KIF21A: variants seen among roughly 807,000 people sequenced by gnomAD.
The protein encoded by KIF21A is kinesin-like protein KIF21A.
Under a neutral mutation model 202.9 loss-of-function variants are expected in KIF21A, and 114 were observed. The ratio of observed to expected loss-of-function variants is 0.56; its 90% CI spans 0.48 to 0.66. KIF21A has a LOEUF of 0.66. Among genes scored for constraint, KIF21A ranks in the 30% least tolerant of loss-of-function variants. The pLI is 0.00. For synonymous variants in KIF21A, 667 were observed against 670.8 expected, an observed-to-expected ratio of 0.99 and a Z score of 0.09; for missense variants, 1,677 against 1,994.9, an observed-to-expected ratio of 0.84 and a Z score of 3.04.
intron 35 of KIF21A, among the ~76,000 whole-genome samples, chr12:39,304,573 T>G (rs1943272807): frequency 6.6e-6 from 1 of 152,218 alleles, no homozygotes; most frequent in Non-Finnish European, 1.5e-5. Flanking sequence ...GACTCATGTA[T>G]GAGTTGGAAG....
chr12:39,395,377 C>G (rs1302314611), intron 1 of KIF21A, among the ~76,000 whole-genome samples: 1 of 152,082 alleles, frequency 6.6e-6, no homozygotes, highest in South Asian at 2.1e-4. Context: ...TCATCCCACC[C>G]ACCCGCTTCT....
intron 1 of KIF21A, among the ~76,000 whole-genome samples, chr12:39,404,470 T>C (rs1204968368): frequency 2.0e-5 from 3 of 152,246 alleles, no homozygotes; most frequent in Admixed American, 2.0e-4. Flanking sequence ...GGGGTATTCA[T>C]TTCACTACTG....
chr12:39,331,788 C>T lies in KIF21A; in HGVS notation c.3055G>A (p.Glu1019Lys), dbSNP rs1192194635. 1 of 1,608,256 alleles carries T rather than the reference C, an allele frequency of 6.2e-7. No homozygotes were observed. Among genetic ancestry groups the T allele is most frequent in the Admixed American group, 1.7e-5 (1 of 60,014 alleles). Residue 1019 changes from glutamate to lysine, a missense_variant, in exon 22 of 38, where the codon GAA becomes AAA. Glu to Lys is a moderately conservative substitution (Grantham distance 56). This residue lies in a region of KIF21A where 705 missense variants were observed against 791.9 expected (regional missense o/e 0.89). Coordinates refer to ENST00000361418, the MANE Select transcript of KIF21A (RefSeq NM_001173464.2). ...GCAGTAACATCCAATGTCTCACCTT[C>T]TTCCTGTATAAAATCAGCATAATAT... ...NIMQMEEAKEEGETLDVTAVI... is the reference protein window; with the variant it reads ...NIMQMEEAKEKGETLDVTAVI...
At position 39,303,076 on chromosome 12, in the gene KIF21A, G is replaced by C. The variant is rs1465706498; in HGVS notation, c.4620C>G (p.Pro1540=). 1 of 1,613,800 alleles carries C rather than the reference G, an allele frequency of 6.2e-7. No homozygotes were observed. Among genetic ancestry groups the C allele is most frequent in the Non-Finnish European group, 8.5e-7 (1 of 1,179,900 alleles). ...GTGCTTCTATGCCATCATAATGAGG[G>C]GGTTCAAAATTGTGGGTGGGACTCA... ...GTVSPTHNFE[P]PHYDGIEALT... Residue 1540 remains proline (P), a synonymous_variant, in exon 36 of 38, where the codon CCC becomes CCG. Coordinates refer to ENST00000361418, the MANE Select transcript of KIF21A (RefSeq NM_001173464.2).
chr12:39,303,797 T>C (rs533292409), intron 35 of KIF21A, among the ~76,000 whole-genome samples: 3 of 152,318 alleles, frequency 2.0e-5, no homozygotes, highest in Non-Finnish European at 2.9e-5. Context: ...CTGTTCAAAA[T>C]CGTTTCACTT....
At chr12:39,422,476 G>A (rs1232575249) in intron 1 of KIF21A, among the ~76,000 whole-genome samples, 1 of 152,126 alleles carries the variant, frequency 6.6e-6, no homozygotes, top group Non-Finnish European at 1.5e-5. Flanking sequence ...ACTAGTCAAT[G>A]TATTATTCAC....
intron 1 of KIF21A, among the ~76,000 whole-genome samples, chr12:39,420,478 C>T (rs1954161573): frequency 6.6e-6 from 1 of 151,960 alleles, no homozygotes; most frequent in Non-Finnish European, 1.5e-5. Context: ...ACGAAGAACA[C>T]TAAGTTTAAA....
Position 39,358,201 on chromosome 12 carries a change from T to A in KIF21A, c.1192A>T (p.Met398Leu), listed in dbSNP as rs1464916547. ...ALRSEITRLQ[M>L]ELMEYKTGKR... The stretch of plus-strand genomic sequence containing the variant: ...ACTGTTTTGTACTCCATGAGCTCCA[T>A]CTGAAGTCGTGTGATTTCACTACGA... Residue 398 changes from methionine (M) to leucine (L), a missense_variant, in exon 8 of 38, where the codon ATG (methionine) becomes TTG (leucine). By Grantham distance (15) the Met-to-Leu change is conservative. Coordinates refer to ENST00000361418, the MANE Select transcript of KIF21A (RefSeq NM_001173464.2). The A allele has an allele frequency of 6.2e-7, 1 of 1,614,060 alleles. No individual in the cohort carries two copies. The highest frequency in any genetic ancestry group is 8.5e-7 in the Non-Finnish European group (1 of 1,179,980).
intron 34 of KIF21A, among the ~76,000 whole-genome samples, chr12:39,307,042 T>C (rs1423276588): frequency 6.6e-6 from 1 of 152,230 alleles, no homozygotes; most frequent in Non-Finnish European, 1.5e-5. Flanking sequence ...AAAGATGTAA[T>C]GCCTTAAATT....
intron 3 of KIF21A, 109 bp downstream of exon 3, chr12:39,369,620 T>C: frequency 1.3e-6 from 1 of 781,758 alleles, no homozygotes; most frequent in East Asian, 2.5e-5. Context: ...ACAACATTTA[T>C]TGAGTACTAT....
rs144454268 is a variant in KIF21A at position 39,403,430 on chromosome 12, T to G, written c.45-33169A>C. Among the ~76,000 whole-genome samples the G allele has an allele frequency of 2.0e-3, 307 of 152,346 alleles. 4 individuals are homozygous for G. Among genetic ancestry groups the G allele is most frequent in the African/African-American group, 7.1e-3 (295 of 41,584 alleles). On this transcript the variant is annotated intron_variant, in intron 1 of 37. Transcript: ENST00000361418. ...AGTGTGATACATATACACCTACATA[T>G]TTAAAAATGTACACACACTTTTTCA...
chr12:39,353,471 T>C (rs1948549104), intron 10 of KIF21A, among the ~76,000 whole-genome samples: 1 of 152,156 alleles, frequency 6.6e-6, no homozygotes, highest in South Asian at 2.1e-4. Flanking sequence ...AGAAAATTCA[T>C]ATAAAAACTC....
At chr12:39,315,856 T>G (rs752169705) in intron 30 of KIF21A, 76 bp downstream of exon 30, 1 of 1,020,856 alleles carries the variant, frequency 9.8e-7, no homozygotes, top group Non-Finnish European at 1.6e-6. Flanking sequence ...AAATGAGACT[T>G]GCTTAGAATT....
At chr12:39,441,314 A>G (rs1939544757) in intron 1 of KIF21A, among the ~76,000 whole-genome samples, 1 of 152,172 alleles carries the variant, frequency 6.6e-6, no homozygotes, top group South Asian at 2.1e-4. Context: ...GCCTTGTGAT[A>G]GTCTAGAGAA....
At chr12:39,328,566 G>T (rs1468564971) in intron 24 of KIF21A, among the ~76,000 whole-genome samples, 4 of 152,186 alleles carry the variant, frequency 2.6e-5, no homozygotes, top group African/African-American at 9.7e-5. Flanking sequence ...TCCCAACACA[G>T]ATATAGAAAA....
chr12:39,427,637 C>A (rs1232677910), intron 1 of KIF21A, among the ~76,000 whole-genome samples: 1 of 152,112 alleles, frequency 6.6e-6, no homozygotes, highest in Non-Finnish European at 1.5e-5. Context: ...AACCACAAAC[C>A]ACAAAGATGA....
At chr12:39,334,585 A>T (rs1298871524) in intron 17 of KIF21A, among the ~76,000 whole-genome samples, 1 of 152,232 alleles carries the variant, frequency 6.6e-6, no homozygotes, top group Non-Finnish European at 1.5e-5. Context: ...ATTATCATAT[A>T]GTTTCAAACT....
rs188660432 is a variant in KIF21A at position 39,335,524 on chromosome 12, G to A, written c.2418+1572C>T. Among the ~76,000 whole-genome samples the A allele has an allele frequency of 8.6e-4, 131 of 152,228 alleles. 1 individual carries two copies. Among genetic ancestry groups the A allele is most frequent in the African/African-American group, 3.1e-3 (127 of 41,536 alleles). On this transcript the variant is annotated intron_variant, in intron 17 of 37. Coordinates refer to ENST00000361418, the MANE Select transcript of KIF21A (RefSeq NM_001173464.2). ...TAGATTAGTGGCTGCCAGGGGCCGG[G>A]GCAATGGTGAGTGACTACCAATGGG...
At chr12:39,363,904 G>A (rs1949423400) in intron 6 of KIF21A, among the ~76,000 whole-genome samples, 2 of 152,210 alleles carry the variant, frequency 1.3e-5, no homozygotes, top group Admixed American at 1.3e-4. Flanking sequence ...TGTAGTCCCA[G>A]CTACTTGGGA....
Sources: allele counts gnomAD v4.1 joint callset (sites outside exome capture counted in the v4.1 genomes callset), GRCh38; gene constraint gnomAD v4.1.1; regional missense constraint gnomAD v4.1.1; transcripts MANE v1.5; gene names NCBI Gene and HGNC (gene_info 2026-07-23, HGNC 2026-07-21).